Variants in CELSR1 observed in about 807,000 individuals in gnomAD.
CELSR1 encodes adhesion G protein-coupled receptor C1.
CELSR1 carries 110 observed loss-of-function variants against 249.1 expected under a neutral mutation model. That is an observed-to-expected ratio of 0.44 (90% confidence interval 0.38 to 0.52). CELSR1 has a LOEUF of 0.52. Among genes scored for constraint, CELSR1 ranks in the 20% least tolerant of loss-of-function variants. The pLI, the probability that CELSR1 is intolerant of heterozygous loss-of-function variation, is 0.00. For missense variants in CELSR1, 4,109 were observed against 4,296.4 expected, an observed-to-expected ratio of 0.96 and a Z score of 1.22; for synonymous variants, 2,113 against 1,900.0, an observed-to-expected ratio of 1.11 and a Z score of -2.92.
chr22:46,519,873 T>C (rs548314820), intron 1 of CELSR1, among the ~76,000 whole-genome samples: 55 of 77,104 alleles, frequency 7.1e-4, no homozygotes, highest in Admixed American at 2.7e-3. Flanking sequence ...CCCCTATTGC[T>C]TTTTTTTTTT....
chr22:46,439,544 G>C (rs113176608), intron 2 of CELSR1, 133 bp from the exon 3 acceptor site: 13,049 of 704,296 alleles, frequency 0.019, 212 homozygotes, highest in Non-Finnish European at 0.022. Flanking sequence ...CTGACTCCAG[G>C]ACAGGTCTGT....
rs2080863480 is a variant in CELSR1, at chr22:46,536,837, G to A, written c.334C>T (p.Pro112Ser). Reference sequence around the variant, plus strand: ...AGCCGGGCACGGGCTCCGCAGCCGGGAAGGTGCGTGCGCGCCCGCAGGCGG... The same window carrying A: ...AGCCGGGCACGGGCTCCGCAGCCGGAAAGGTGCGTGCGCGCCCGCAGGCGG... ...SRRLRARTHL[P>S]GCGARARLCG... Residue 112 changes from proline (P) to serine (S), a missense_variant, in exon 1 of 35, where the codon CCC (proline) becomes TCC (serine). Transcript: ENST00000674500. 1 of 1,224,848 alleles carries A rather than the reference G, an allele frequency of 8.2e-7. No homozygotes were observed. The allele number at this position is 1,224,848 out of a possible 1,614,324, so 75.9% of individuals were successfully genotyped here. A position where few individuals can be genotyped will look rare whatever the true frequency, so the allele number is the denominator to read the frequency against.
rs761253417 is a variant in CELSR1, at chr22:46,446,739, C to G, written c.4184-7328G>C. ...TGCACTTAATCCATGAGTTACAAAA[C>G]GACATAATTCCCATATTTGATTCAA... On this transcript the variant is annotated intron_variant, in intron 2 of 34. Transcript: ENST00000674500. The surrounding 1 kb of genome is among the most constrained non-coding windows in gnomAD (Gnocchi z 5.5). Among the ~76,000 whole-genome samples the G allele has an allele frequency of 6.6e-6, 1 of 152,232 alleles. No individual in the cohort carries two copies. Among genetic ancestry groups the G allele is most frequent in the Non-Finnish European group, 1.5e-5 (1 of 68,022 alleles).
At chr22:46,529,789 T>TGA (rs1417504291) in intron 1 of CELSR1, among the ~76,000 whole-genome samples, 5 of 150,004 alleles carry the variant, frequency 3.3e-5, no homozygotes, top group Non-Finnish European at 7.4e-5. Context: ...GGAGATACAG[T>TGA]GAGACTCCAT....
chr22:46,390,380 A>C lies in CELSR1; in HGVS notation c.6345+12T>G. 6.2e-7 allele frequency: 1 copy of C among 1,606,442 alleles called. No individual in the cohort carries two copies. Among genetic ancestry groups the C allele is most frequent in the Non-Finnish European group, 8.5e-7 (1 of 1,174,934 alleles). Reference sequence around the variant, plus strand: ...TGCCCCTGCTGAACACACATCCCCGAGGCGCCCCTACCATGGCCCTGAGGT... The same window carrying C: ...TGCCCCTGCTGAACACACATCCCCGCGGCGCCCCTACCATGGCCCTGAGGT... On this transcript the variant is annotated intron_variant, in intron 17 of 34. Coordinates refer to ENST00000674500, the MANE Select transcript of CELSR1 (RefSeq NM_001378328.1). This position sits in a 1 kb window ranked among gnomAD's most constrained non-coding sequence, Gnocchi z 6.3.
rs764591466 is a variant in CELSR1, at chr22:46,369,728, A to G, written c.7836T>C (p.Ile2612=). 1.9e-6 allele frequency: 3 copies of G among 1,613,344 alleles called. No individual in the cohort carries two copies. Among genetic ancestry groups the G allele is most frequent in the African/African-American group, 1.3e-5 (1 of 74,920 alleles). ...CTCCGATGGGCCCCGCAAAGCTCCA[A>G]ATCAGGGTGTCTTGAAGCGACAGCC... ...FCWLSLQDTL[I]WSFAGPIGAV... is the part of the protein sequence containing the mutation. The change falls in exon 26 of 35, where the codon ATT becomes ATC. Residue 2612 remains isoleucine, a synonymous_variant. Coordinates refer to ENST00000674500, the MANE Select transcript of CELSR1 (RefSeq NM_001378328.1).
At chr22:46,385,740 T>G (rs9627432) in intron 19 of CELSR1, among the ~76,000 whole-genome samples, 1 of 149,834 alleles carries the variant, frequency 6.7e-6, no homozygotes, top group Admixed American at 6.7e-5. Flanking sequence ...TGCAGTGGCA[T>G]GATCTCGGCT....
At chr22:46,470,751 G>A (rs77488451) in intron 1 of CELSR1, among the ~76,000 whole-genome samples, 4,166 of 152,118 alleles carry the variant, frequency 0.027, 140 homozygotes, top group African/African-American at 0.081. Flanking sequence ...TCCCCACAAC[G>A]GAATATGACG....
intron 5 of CELSR1, among the ~76,000 whole-genome samples, chr22:46,425,565 T>C (rs115101035): frequency 0.012 from 1,884 of 152,338 alleles, 31 homozygotes; most frequent in African/African-American, 0.043. Flanking sequence ...AATGTACACA[T>C]GTAGAGTTCT....
chr22:46,536,569 T>C lies in CELSR1; in HGVS notation c.602A>G (p.Glu201Gly). 7.7e-7 allele frequency: 1 copy of C among 1,301,288 alleles called. No individual in the cohort carries two copies. Among genetic ancestry groups the C allele is most frequent in the Non-Finnish European group, 9.7e-7 (1 of 1,030,792 alleles). The allele number at this position is 1,301,288 out of a possible 1,614,324, so 80.6% of individuals were successfully genotyped here. ...GGAGGGCGTCCCCGCGGTGGCGGCC[T>C]CCAGCGCCAGTCCCACCCGGACGGC... ...AGAVRVGLAL[E>G]AATAGTPSAS... The change falls in exon 1 of 35, where the codon GAG becomes GGG. Residue 201 changes from glutamate to glycine, a missense_variant. Transcript: ENST00000674500.
rs762706207 is a variant in CELSR1 at position 46,397,657 on chromosome 22, C to T, written c.5701+17G>A. The T allele has an allele frequency of 5.8e-5, 84 of 1,460,062 alleles. No homozygotes were observed. The highest frequency in any genetic ancestry group is 1.3e-4 in the African/African-American group (9 of 70,180). 90.4% of individuals were successfully genotyped at this position (1,460,062 alleles called of 1,614,324 possible). A position where few individuals can be genotyped will look rare whatever the true frequency, so the allele number is the denominator to read the frequency against. On this transcript the variant is annotated intron_variant, in intron 12 of 34. Transcript: ENST00000674500. ...AGACCTCCCTGTCACTGAAGGGCCC[C>T]GGGAGGGCGGTCCCACCTTTGTCAC...
At position 46,402,726 on chromosome 22, in the gene CELSR1, A is replaced by G. The variant is rs1019867407; in HGVS notation, c.5227-2824T>C. Among the ~76,000 whole-genome samples the G allele has an allele frequency of 3.9e-5, 6 of 152,334 alleles. 1 individual carries two copies. The South Asian group carries it at 1.2e-3, about 32-fold the overall frequency. ...TCAAGGAAACAGACTCAGTGAGACA[A>G]TTAGACTTACTTCTGGGTGTAGGTG... On this transcript the variant is annotated intron_variant, in intron 9 of 34. Coordinates refer to ENST00000674500, the MANE Select transcript of CELSR1 (RefSeq NM_001378328.1). This position sits in a 1 kb window ranked among gnomAD's most constrained non-coding sequence, Gnocchi z 5.0.
chr22:46,491,468 T>A (rs2080366380), intron 1 of CELSR1, among the ~76,000 whole-genome samples: 1 of 151,966 alleles, frequency 6.6e-6, no homozygotes, highest in Non-Finnish European at 1.5e-5. Context: ...TTTCACCATA[T>A]TGGCCAGGCT....
At chr22:46,498,896 G>A (rs1009199938) in intron 1 of CELSR1, among the ~76,000 whole-genome samples, 14 of 151,916 alleles carry the variant, frequency 9.2e-5, no homozygotes, top group Admixed American at 3.3e-4. Context: ...AGTAAAACAT[G>A]GGGCCGGGCT....
chr22:46,437,641 C>T lies in CELSR1; in HGVS notation c.4407-1352G>A, dbSNP rs1460441529. Among the ~76,000 whole-genome samples the T allele has an allele frequency of 3.3e-5, 5 of 151,878 alleles. No homozygotes were observed. The highest frequency in any genetic ancestry group is 1.2e-4 in the African/African-American group (5 of 41,286). ...TGGTGGGCACCTGTAATCCCAGCTA[C>T]TCAAGAGGTTGAGGCAGGAGAATTG... is the stretch of plus-strand genomic sequence containing the variant. On this transcript the variant is annotated intron_variant, in intron 3 of 34. Transcript: ENST00000674500. This position sits in a 1 kb window ranked among gnomAD's most constrained non-coding sequence, Gnocchi z 4.9.
At position 46,401,843 on chromosome 22, in the gene CELSR1, T is replaced by G. The variant is rs1331172270; in HGVS notation, c.5227-1941A>C. Among the ~76,000 whole-genome samples, 2 of 152,070 alleles carry G rather than the reference T, an allele frequency of 1.3e-5. No individual in the cohort carries two copies. Among genetic ancestry groups the G allele is most frequent in the Non-Finnish European group, 2.9e-5 (2 of 68,010 alleles). On this transcript the variant is annotated intron_variant, in intron 9 of 34. Coordinates refer to ENST00000674500, the MANE Select transcript of CELSR1 (RefSeq NM_001378328.1). The surrounding 1 kb of genome is among the most constrained non-coding windows in gnomAD (Gnocchi z 4.7). ...TGTGACTGCATTAAACTCTGTGACT[T>G]TGGGAGACCAAGGCGGGTGGATCAC...
chr22:46,414,154 G>C (rs2079369580), intron 5 of CELSR1, among the ~76,000 whole-genome samples: 1 of 152,190 alleles, frequency 6.6e-6, no homozygotes, highest in Admixed American at 6.5e-5. Context: ...CCACTGCTAG[G>C]ACACCTGACT....
Position 46,472,889 on chromosome 22 carries a change from GCT to G in CELSR1, c.3545-8546_3545-8545del, listed in dbSNP as rs1256150259. On this transcript the variant is annotated intron_variant, in intron 1 of 34. Coordinates refer to ENST00000674500, the MANE Select transcript of CELSR1 (RefSeq NM_001378328.1). This position sits in a 1 kb window ranked among gnomAD's most constrained non-coding sequence, Gnocchi z 7.0. ...CTATGGCTCTCCCTGTGTCGTCACG[GCT>G]CTGTCTTCTGTTCACCGCACCGGAA... Among the ~76,000 whole-genome samples, 1 of 152,154 alleles carries G rather than the reference GCT, an allele frequency of 6.6e-6. No homozygotes were observed. The highest frequency in any genetic ancestry group is 2.4e-5 in the African/African-American group (1 of 41,430).
intron 5 of CELSR1, among the ~76,000 whole-genome samples, chr22:46,422,503 G>GT (rs1228909699): frequency 1.7e-5 from 2 of 120,162 alleles, no homozygotes; most frequent in Non-Finnish European, 3.4e-5. Context: ...GGAGGCCAAG[G>GT]GGGGGCGGAT....
Sources: allele counts gnomAD v4.1 joint callset (sites outside exome capture counted in the v4.1 genomes callset), GRCh38; gene constraint gnomAD v4.1.1; non-coding constraint Gnocchi (gnomAD v3.1); transcripts MANE v1.5; gene names NCBI Gene and HGNC (gene_info 2026-07-23, HGNC 2026-07-21).